The following LRP2 variants were observed in gnomAD, a reference collection of about 807,000 sequenced individuals.
The protein encoded by LRP2 is LDL receptor related protein 2, also known as low-density lipoprotein receptor-related protein 2.
In LRP2, 172 loss-of-function variants were observed where a neutral mutation model predicts 531.0. The ratio of observed to expected loss-of-function variants is 0.32; its 90% CI spans 0.29 to 0.37. The LOEUF (loss-of-function observed/expected upper bound fraction) is 0.37, where lower values mean the gene tolerates loss of function less well. LRP2 is among the 10% of genes least tolerant of loss of function. The probability of loss-of-function intolerance (pLI) is 1.00; values close to 1 mark genes in which losing one functional copy is unlikely to be tolerated. For missense variants in LRP2, 5,167 were observed against 5,868.3 expected (o/e 0.88, Z 3.90); for synonymous variants, 1,992 against 2,027.6 (o/e 0.98, Z 0.47).
intron 54 of LRP2, 91 bp from the exon 55 acceptor site, chr2:169,175,480 G>T: frequency 8.5e-7 from 1 of 1,172,572 alleles, no homozygotes; most frequent in Non-Finnish European, 1.3e-6. Flanking sequence ...TCCAAGAAAT[G>T]ACATGCATGA....
At chr2:169,169,605 TG>T in intron 60 of LRP2, 96 bp downstream of exon 60, 2 of 889,334 alleles carry the variant, frequency 2.2e-6, no homozygotes, top group East Asian at 4.8e-5. Context: ...ACAATACTTA[TG>T]GCCTTTTAAT....
Position 169,206,023 on chromosome 2 carries a change from C to A in LRP2, c.7556G>T (p.Gly2519Val). ...TATAACAAGGAAGATGATGGCATAC[C>A]CTTGGCAGGGATCTAACACAATTGC... ...PRAIVLDPCQ[G>V]YLYWADWDTH... Residue 2519 changes from glycine (G) to valine (V), a missense_variant and splice_region_variant, in exon 40 of 79, where the codon GGG becomes GTG. Physicochemically the swap from Gly to Val is moderately radical, Grantham distance 109. Around this residue, in one of 6 missense-constraint regions of LRP2, gnomAD observed 1,129 missense variants for 1,362.7 expected, o/e 0.83. Coordinates refer to ENST00000649046, the MANE Select transcript of LRP2 (RefSeq NM_004525.3). 6.2e-7 allele frequency: 1 copy of A among 1,614,154 alleles called. No homozygotes were observed. Among genetic ancestry groups the A allele is most frequent in the Non-Finnish European group, 8.5e-7 (1 of 1,180,024 alleles).
Position 169,145,917 on chromosome 2 carries a change from T to C in LRP2, c.12818A>G (p.Asn4273Ser). The change falls in exon 70 of 79, where the codon AAC (asparagine) becomes AGC (serine). Residue 4273 changes from asparagine to serine, a missense_variant. Physicochemically the swap from Asn to Ser is conservative, Grantham distance 46. Coordinates refer to ENST00000649046, the MANE Select transcript of LRP2 (RefSeq NM_004525.3). ...DRRVIAKEAMNPYSLDIFEDQ... is the reference protein window; with the variant it reads ...DRRVIAKEAMSPYSLDIFEDQ... ...TTCAAAGATGTCCAGGCTGTAAGGG[T>C]TCATTGCTGCTTACCCACAGGGGAA... The C allele has an allele frequency of 6.2e-7, 1 of 1,614,060 alleles. No individual in the cohort carries two copies. The highest frequency in any genetic ancestry group is 8.5e-7 in the Non-Finnish European group (1 of 1,179,986).
chr2:169,175,491 G>T, intron 54 of LRP2, 102 bp from the exon 55 acceptor site: 1 of 1,041,666 alleles, frequency 9.6e-7, no homozygotes, highest in Non-Finnish European at 1.5e-6. Context: ...ACATGCATGA[G>T]CTCTCTCGTG....
At position 169,217,369 on chromosome 2, in the gene LRP2, T is replaced by C. The variant is rs1435046838; in HGVS notation, c.5649-939A>G. Among the ~76,000 whole-genome samples the C allele has an allele frequency of 2.6e-5, 4 of 152,118 alleles. No homozygotes were observed. In the East Asian group the frequency reaches 7.7e-4, roughly 29 times the overall value. ...CTTCTCCGCCTCTAAGTTCTCAAACTCTGAAATGCTCTGCTTCGACCAAAA... is the reference window on the plus strand; with the variant it reads ...CTTCTCCGCCTCTAAGTTCTCAAACCCTGAAATGCTCTGCTTCGACCAAAA... On this transcript the variant is annotated intron_variant, in intron 34 of 78. Transcript: ENST00000649046.
intron 53 of LRP2, among the ~76,000 whole-genome samples, chr2:169,177,139 A>AT (rs1261507054): frequency 6.6e-6 from 1 of 152,196 alleles, no homozygotes; most frequent in African/African-American, 2.4e-5. Flanking sequence ...GCTAATTCTC[A>AT]TTTTTCCTTA....
At chr2:169,353,990 AAAGT>A (rs1685924684) in intron 1 of LRP2, among the ~76,000 whole-genome samples, 1 of 152,180 alleles carries the variant, frequency 6.6e-6, no homozygotes, top group South Asian at 2.1e-4. Flanking sequence ...CCTGGGTGAT[AAAGT>A]AAGACCTTGT....
In LRP2 at chr2:169,169,701, C is replaced by G; in HGVS notation, c.11497+1G>C. ...TACTACATATGTGTCTAGGGACTTA[C>G]GACAATCAGCTTCATCAGACGCATC... On this transcript the variant is annotated splice_donor_variant, in intron 60 of 78. Transcript: ENST00000649046. LOFTEE classifies it high-confidence loss of function. The G allele has an allele frequency of 6.2e-7, 1 of 1,612,504 alleles. No individual in the cohort carries two copies. The highest frequency in any genetic ancestry group is 8.5e-7 in the Non-Finnish European group (1 of 1,178,546).
chr2:169,170,645 G>A lies in LRP2; in HGVS notation c.11286C>T (p.Ser3762=), dbSNP rs760822204. 8.7e-6 allele frequency: 14 copies of A among 1,613,674 alleles called. No individual in the cohort carries two copies. Among genetic ancestry groups the A allele is most frequent in the East Asian group, 6.7e-5 (3 of 44,880 alleles). The change falls in exon 59 of 79, where the codon AGC becomes AGT. Residue 3762 remains serine (S), a synonymous_variant. Coordinates refer to ENST00000649046, the MANE Select transcript of LRP2 (RefSeq NM_004525.3). ...ENCAPRECTE[S]EFRCVNQQCI... is the part of the protein sequence containing the mutation. ...ACTGCTGATTGACACATCGAAACTC[G>A]CTCTCTGTGCACTCCCGGGGAGCTG...
At position 169,185,642 on chromosome 2, in the gene LRP2, G is replaced by A. The variant is rs1310470715; in HGVS notation, c.9706C>T (p.Arg3236Ter). 1 of 1,613,842 alleles carries A rather than the reference G, an allele frequency of 6.2e-7. No individual in the cohort carries two copies. Among genetic ancestry groups the A allele is most frequent in the Non-Finnish European group, 8.5e-7 (1 of 1,179,990 alleles). The change falls in exon 50 of 79, where the codon CGA (arginine) becomes TGA (stop). Residue 3236 changes from arginine (R) to a stop codon, truncating the protein, a stop_gained. Coordinates refer to ENST00000649046, the MANE Select transcript of LRP2 (RefSeq NM_004525.3). LOFTEE classifies it high-confidence loss of function. ...ATCCAATACAATCTCTTCTCTACTC[G>A]GTCAAAATCTAATGCCACAACATTG... ...LDNVVALDFDRVEKRLYWIDT... is the reference protein window; with the variant it reads ...LDNVVALDFD
intron 66 of LRP2, among the ~76,000 whole-genome samples, chr2:169,153,717 T>C (rs1307105846): frequency 1.3e-5 from 2 of 152,096 alleles, no homozygotes; most frequent in Admixed American, 6.6e-5. Context: ...ACAAAGCTAG[T>C]AGATAAGGGA....
chr2:169,129,176 A>T (rs917279490), intron 77 of LRP2, 92 bp from the exon 78 acceptor site: 26 of 966,472 alleles, frequency 2.7e-5, no homozygotes, highest in Non-Finnish European at 3.7e-5. Flanking sequence ...ATTTCTTCTT[A>T]CTGAAGGGTA....
intron 49 of LRP2, 27 bp downstream of exon 49, chr2:169,187,942 CT>C: frequency 6.2e-7 from 1 of 1,613,232 alleles, no homozygotes; most frequent in Non-Finnish European, 8.5e-7. Context: ...CCCCTGTTTC[CT>C]TTTCCCAAAT....
intron 44 of LRP2, among the ~76,000 whole-genome samples, chr2:169,200,238 A>G (rs980924681): frequency 2.0e-5 from 3 of 152,282 alleles, no homozygotes; most frequent in Non-Finnish European, 4.4e-5. Context: ...GCGATAGAGC[A>G]AGACTCCATC....
chr2:169,362,326 C>T lies in LRP2; in HGVS notation c.74G>A (p.Gly25Asp). ...GGCTCTGGCTGGGCTCTTACCTTGG[C>T]CACTGGCCGGCGCTAGGCAGGCGAC... is the stretch of plus-strand genomic sequence containing the variant. ...ALVACLAPAS[G>D]QECDSAHFRC... is the part of the protein sequence containing the mutation. Residue 25 changes from glycine (G) to aspartate (D), a missense_variant, in exon 1 of 79, where the codon GGC (glycine) becomes GAC (aspartate). Physicochemically the swap from Gly to Asp is moderately conservative, Grantham distance 94 (BLOSUM62 -1). This residue lies in a region of LRP2 where 2,811 missense variants were observed against 3,058.0 expected (regional missense o/e 0.92). Coordinates refer to ENST00000649046, the MANE Select transcript of LRP2 (RefSeq NM_004525.3). 1 of 1,560,994 alleles carries T rather than the reference C, an allele frequency of 6.4e-7. No homozygotes were observed. Among genetic ancestry groups the T allele is most frequent in the Non-Finnish European group, 8.7e-7 (1 of 1,153,388 alleles).
chr2:169,173,795 G>C, intron 56 of LRP2, 124 bp downstream of exon 56: 1 of 1,330,330 alleles, frequency 7.5e-7, no homozygotes, highest in Non-Finnish European at 1.1e-6. Flanking sequence ...AGTTTGCAGG[G>C]AGTGCCAAGG....
At chr2:169,138,253 A>T (rs1370279609) in intron 75 of LRP2, among the ~76,000 whole-genome samples, 1 of 152,226 alleles carries the variant, frequency 6.6e-6, no homozygotes, top group Non-Finnish European at 1.5e-5. Context: ...AAGTCATCAA[A>T]TAAAAACAAA....
chr2:169,139,672 C>T (rs1685650269), intron 72 of LRP2, 62 bp from the exon 73 acceptor site: 6 of 1,391,856 alleles, frequency 4.3e-6, no homozygotes, highest in Non-Finnish European at 6.1e-6. Context: ...CTGCATTTTT[C>T]TGAGCACATC....
chr2:169,240,905 C>T (rs1171617293), intron 25 of LRP2, 83 bp downstream of exon 25: 15 of 1,539,926 alleles, frequency 9.7e-6, no homozygotes, highest in African/African-American at 5.4e-5. Flanking sequence ...CAAAGCTACA[C>T]AGTGACTGTG....
Sources: gnomAD v4.1 joint callset for allele counts (sites outside exome capture counted in the v4.1 genomes callset) on GRCh38, gnomAD v4.1.1 for gene constraint, gnomAD v4.1.1 regional missense constraint, MANE v1.5 for transcripts, NCBI Gene and HGNC (gene_info 2026-07-23, HGNC 2026-07-21) for gene names.